SWT1: variants seen among roughly 807,000 people sequenced by gnomAD.
SWT1 encodes transcriptional protein SWT1.
Under a neutral mutation model 107.3 loss-of-function variants are expected in SWT1, and 33 were observed. That is an observed-to-expected ratio of 0.31 (90% confidence interval 0.23 to 0.41). SWT1 has a LOEUF of 0.41. Ranked by LOEUF, SWT1 falls within the 10% of genes least tolerant of loss-of-function variation. The pLI is 1.00. For missense variants in SWT1, 898 were observed against 1,028.9 expected, an observed-to-expected ratio of 0.87 and a Z score of 1.74; for synonymous variants, 345 against 348.3, an observed-to-expected ratio of 0.99 and a Z score of 0.11.
chr1:185,196,612 C>T (rs1021270471), intron 10 of SWT1, among the ~76,000 whole-genome samples: 1 of 152,110 alleles, frequency 6.6e-6, no homozygotes, highest in Non-Finnish European at 1.5e-5. Flanking sequence ...TCTTCCTATC[C>T]ATGGGCATGG....
intron 5 of SWT1, among the ~76,000 whole-genome samples, chr1:185,177,547 A>G (rs892808599): frequency 6.6e-6 from 1 of 152,184 alleles, no homozygotes; most frequent in African/African-American, 2.4e-5. Flanking sequence ...TATTGTCCTT[A>G]TCTTGTGTAT....
intron 10 of SWT1, among the ~76,000 whole-genome samples, chr1:185,199,127 G>A (rs1480692468): frequency 2.6e-5 from 4 of 151,736 alleles, no homozygotes; most frequent in Admixed American, 6.6e-5. Flanking sequence ...TAGTAGAGAC[G>A]GTATTTCACC....
chr1:185,164,479 T>C (rs577509000), intron 2 of SWT1, among the ~76,000 whole-genome samples: 1 of 152,342 alleles, frequency 6.6e-6, no homozygotes, highest in Non-Finnish European at 1.5e-5. Flanking sequence ...ATAAGACTGT[T>C]TGTCTATGTT....
chr1:185,173,248 C>G (rs181322334), intron 4 of SWT1, among the ~76,000 whole-genome samples: 104 of 151,984 alleles, frequency 6.8e-4, no homozygotes, highest in African/African-American at 2.3e-3. Flanking sequence ...CATTATTTTG[C>G]TAGAAGTTAG....
At chr1:185,218,121 A>G (rs1659362674) in intron 14 of SWT1, among the ~76,000 whole-genome samples, 1 of 152,184 alleles carries the variant, frequency 6.6e-6, no homozygotes, top group Non-Finnish European at 1.5e-5. Flanking sequence ...TATATGTCTT[A>G]TATATTTGGT....
chr1:185,184,494 T>C lies in SWT1; in HGVS notation c.1240+150T>C, dbSNP rs1656287537. 1.5e-5 allele frequency: 9 copies of C among 619,698 alleles called. 1 individual carries two copies. The East Asian group carries it at 2.7e-4, about 18-fold the overall frequency. The allele number at this position is 619,698 out of a possible 1,614,324, so 38.4% of individuals were successfully genotyped here. On this transcript the variant is annotated intron_variant, in intron 8 of 18. Coordinates refer to ENST00000367500, the MANE Select transcript of SWT1 (RefSeq NM_017673.7). ...TCAGTGTTATAAGTTTATAAAAGCC[T>C]TTACAGGTTAAACTAGCAATCTGAA...
In SWT1 at chr1:185,159,246, A is replaced by T. The variant is rs147489262; in HGVS notation, c.-9-1587A>T. On this transcript the variant is annotated intron_variant, in intron 1 of 18. Transcript: ENST00000367500. ...GCATGATTACCAAGCATCAGGAATCATCAGGAGCCATCTTGAAGACTGGCC... is the reference window on the plus strand; with the variant it reads ...GCATGATTACCAAGCATCAGGAATCTTCAGGAGCCATCTTGAAGACTGGCC... 2.0e-5 allele frequency among the ~76,000 whole-genome samples: 3 copies of T among 152,384 alleles called. No individual in the cohort carries two copies. The East Asian group carries it at 5.8e-4, about 29-fold the overall frequency.
chr1:185,226,082 A>G (rs1660031061), intron 15 of SWT1, among the ~76,000 whole-genome samples: 1 of 152,176 alleles, frequency 6.6e-6, no homozygotes, highest in Non-Finnish European at 1.5e-5. Context: ...GAAAGTTACC[A>G]TATATCCCTG....
chr1:185,222,901 T>C (rs1659776231), intron 15 of SWT1, among the ~76,000 whole-genome samples: 1 of 152,174 alleles, frequency 6.6e-6, no homozygotes. Flanking sequence ...ATTGTAACTT[T>C]GTACATGTTG....
At chr1:185,287,575 C>T (rs769995038) in intron 18 of SWT1, among the ~76,000 whole-genome samples, 4 of 152,122 alleles carry the variant, frequency 2.6e-5, no homozygotes, top group East Asian at 1.9e-4. Context: ...CAGTGAACTG[C>T]GTCTTACAAT....
chr1:185,257,913 A>G (rs1268862994), intron 16 of SWT1: 1 of 151,982 alleles, frequency 6.6e-6, no homozygotes, highest in African/African-American at 2.4e-5. Flanking sequence ...ATTTTTTTTT[A>G]AGTCCAGTCA....
At chr1:185,286,373 G>A (rs372499207) in intron 18 of SWT1, among the ~76,000 whole-genome samples, 19 of 151,958 alleles carry the variant, frequency 1.3e-4, no homozygotes, top group Non-Finnish European at 2.2e-4. Flanking sequence ...ACAGGTGCAC[G>A]CCACCAGGCC....
At chr1:185,206,554 C>A in intron 12 of SWT1, 71 bp from the exon 13 acceptor site, 1 of 925,714 alleles carries the variant, frequency 1.1e-6, no homozygotes, top group Non-Finnish European at 1.5e-6. Flanking sequence ...GTAGGAATTC[C>A]TAAATAGGTA....
chr1:185,234,088 T>C (rs766103958), intron 16 of SWT1, among the ~76,000 whole-genome samples: 67 of 152,154 alleles, frequency 4.4e-4, no homozygotes, highest in Non-Finnish European at 2.4e-4. Context: ...GAATGTATAT[T>C]CTGTTGATTT....
At chr1:185,222,636 G>T (rs1282895733) in intron 15 of SWT1, among the ~76,000 whole-genome samples, 1 of 151,716 alleles carries the variant, frequency 6.6e-6, no homozygotes, top group Admixed American at 6.6e-5. Flanking sequence ...GTGATGGCGT[G>T]TACCTGTCAT....
chr1:185,283,292 A>G (rs551008830), intron 18 of SWT1, among the ~76,000 whole-genome samples: 1 of 152,318 alleles, frequency 6.6e-6, no homozygotes, highest in South Asian at 2.1e-4. Context: ...TCTCTTCTCC[A>G]GTTTTTAGAC....
intron 16 of SWT1, among the ~76,000 whole-genome samples, chr1:185,243,414 ATTAATT>A (rs1384000047): frequency 6.6e-6 from 1 of 152,090 alleles, no homozygotes; most frequent in African/African-American, 2.4e-5. Flanking sequence ...CTGGCCTAGG[ATTAATT>A]TTATCTATTT....
chr1:185,270,665 C>A (rs1490978075), intron 16 of SWT1, among the ~76,000 whole-genome samples: 1 of 152,198 alleles, frequency 6.6e-6, no homozygotes, highest in Non-Finnish European at 1.5e-5. Context: ...GCCATGATCA[C>A]ACCACTGCAC....
chr1:185,201,503 G>A (rs1571488597), intron 10 of SWT1, among the ~76,000 whole-genome samples: 2 of 152,180 alleles, frequency 1.3e-5, no homozygotes, highest in South Asian at 2.1e-4. Flanking sequence ...GGCTAGGGGA[G>A]GGAGTTCCCT....
Sources: gnomAD v4.1 joint callset for allele counts (sites outside exome capture counted in the v4.1 genomes callset) on GRCh38, gnomAD v4.1.1 for gene constraint, MANE v1.5 for transcripts, NCBI Gene and HGNC (gene_info 2026-07-23, HGNC 2026-07-21) for gene names.